The following SLC38A6 variants were observed in gnomAD, a reference collection of about 807,000 sequenced individuals.
SLC38A6 encodes the protein N system amino acid transporter NAT-1.
In SLC38A6, 73 loss-of-function variants were observed where a neutral mutation model predicts 65.0. The ratio of observed to expected loss-of-function variants is 1.12; its 90% confidence interval spans 0.93 to 1.37. The LOEUF (loss-of-function observed/expected upper bound fraction) is 1.37. SLC38A6 is among the 40% of genes most tolerant of loss of function. The pLI is 0.00. For missense variants in SLC38A6, 561 were observed against 531.1 expected, an observed-to-expected ratio of 1.06 and a Z score of -0.55; for synonymous variants, 183 against 178.8, an observed-to-expected ratio of 1.02 and a Z score of -0.19.
chr14:61,074,818 C>T (rs965826560), intron 15 of SLC38A6, among the ~76,000 whole-genome samples: 2 of 151,538 alleles, frequency 1.3e-5, no homozygotes, highest in African/African-American at 2.4e-5. Context: ...CAGAACTTCT[C>T]TTAGTAAGGG....
At chr14:61,048,178 G>A (rs1033938697) in intron 12 of SLC38A6, 3 of 452,440 alleles carry the variant, frequency 6.6e-6, no homozygotes, top group African/African-American at 6.0e-5. Flanking sequence ...GTCATAGGAA[G>A]AAATTGCTGG....
chr14:60,985,715 A>G (rs2037404128), intron 3 of SLC38A6, among the ~76,000 whole-genome samples: 1 of 152,198 alleles, frequency 6.6e-6, no homozygotes, highest in South Asian at 2.1e-4. Flanking sequence ...AGGCTGCATA[A>G]TTTATAAATA....
chr14:61,052,269 T>G, intron 15 of SLC38A6, 80 bp from the exon 16 acceptor site: 2 of 1,342,532 alleles, frequency 1.5e-6, no homozygotes, highest in South Asian at 1.4e-5. Context: ...GAGTAGAGAT[T>G]TAACAAATAA....
chr14:61,009,053 C>G (rs2039357226), intron 3 of SLC38A6, among the ~76,000 whole-genome samples: 1 of 152,152 alleles, frequency 6.6e-6, no homozygotes, highest in Non-Finnish European at 1.5e-5. Context: ...TCTATTCTTA[C>G]AGACCATAAG....
chr14:61,022,427 T>G (rs1413109084), intron 5 of SLC38A6, among the ~76,000 whole-genome samples: 3 of 151,198 alleles, frequency 2.0e-5, no homozygotes, highest in African/African-American at 7.3e-5. Flanking sequence ...CATACTTATT[T>G]GGGAGGATAT....
intron 4 of SLC38A6, among the ~76,000 whole-genome samples, chr14:61,019,002 T>C (rs2040187889): frequency 6.6e-6 from 1 of 152,212 alleles, no homozygotes; most frequent in African/African-American, 2.4e-5. Context: ...ATTCACATTA[T>C]TGAGTTTGGA....
At chr14:60,999,250 G>A (rs193057933) in intron 3 of SLC38A6, among the ~76,000 whole-genome samples, 2 of 152,256 alleles carry the variant, frequency 1.3e-5, no homozygotes, top group East Asian at 3.9e-4. Flanking sequence ...CCTTTCTAGT[G>A]CCCAGAACAT....
intron 5 of SLC38A6, among the ~76,000 whole-genome samples, chr14:61,027,322 C>T (rs1040125811): frequency 6.6e-6 from 1 of 152,108 alleles, no homozygotes; most frequent in Non-Finnish European, 1.5e-5. Flanking sequence ...TTTGGGGCCA[C>T]TTAACTATAT....
chr14:61,014,988 C>T (rs1233964451), intron 3 of SLC38A6, among the ~76,000 whole-genome samples: 1 of 152,200 alleles, frequency 6.6e-6, no homozygotes, highest in East Asian at 1.9e-4. Flanking sequence ...GAGGTGGAGT[C>T]TACAGAGGCA....
intron 15 of SLC38A6, among the ~76,000 whole-genome samples, chr14:61,069,191 T>C (rs895834084): frequency 1.3e-5 from 2 of 152,216 alleles, no homozygotes; most frequent in Non-Finnish European, 2.9e-5. Context: ...AACTACTGGA[T>C]TGCCATATCT....
chr14:61,019,295 T>G (rs1027730569), intron 4 of SLC38A6, among the ~76,000 whole-genome samples: 3 of 152,196 alleles, frequency 2.0e-5, no homozygotes, highest in African/African-American at 7.2e-5. Context: ...TTTAACAATT[T>G]AAAAGTGACT....
Position 61,008,347 on chromosome 14 carries a change from T to TA in SLC38A6, c.311-7551dup, listed in dbSNP as rs1316695766. 3.9e-5 allele frequency among the ~76,000 whole-genome samples: 6 copies of TA among 152,232 alleles called. No individual in the cohort carries two copies. The East Asian group carries it at 1.2e-3, about 29-fold the overall frequency. ...TGATAGGTAAAGACTGTATCTGGCT[T>TA]AAAAAATGCTTATTTTTACATACAT... is the stretch of plus-strand genomic sequence containing the variant. On this transcript the variant is annotated intron_variant, in intron 3 of 15. Transcript: ENST00000267488.
intron 6 of SLC38A6, among the ~76,000 whole-genome samples, chr14:61,034,478 C>T (rs2041216260): frequency 6.6e-6 from 1 of 152,102 alleles, no homozygotes. Context: ...GATGGAATCT[C>T]CTTTGGTACT....
At chr14:61,003,308 G>A (rs905514058) in intron 3 of SLC38A6, among the ~76,000 whole-genome samples, 2 of 151,686 alleles carry the variant, frequency 1.3e-5, no homozygotes, top group Admixed American at 1.3e-4. Context: ...AATAATATGG[G>A]CATTTAAATA....
chr14:61,021,129 C>A (rs116465090), intron 5 of SLC38A6, among the ~76,000 whole-genome samples: 82 of 152,130 alleles, frequency 5.4e-4, no homozygotes, highest in Middle Eastern at 3.4e-3. Flanking sequence ...TTGTTAAGTT[C>A]CTTTAGCTCA....
intron 15 of SLC38A6, among the ~76,000 whole-genome samples, chr14:61,065,804 T>C (rs1171187168): frequency 1.3e-5 from 2 of 152,330 alleles, no homozygotes; most frequent in East Asian, 3.9e-4. Context: ...AAACAGATTT[T>C]TCTCTTCTCT....
At position 61,019,599 on chromosome 14, in the gene SLC38A6, A is replaced by G; in HGVS notation, c.403+19A>G. 4.3e-6 allele frequency: 7 copies of G among 1,610,530 alleles called. No homozygotes were observed. Among genetic ancestry groups the G allele is most frequent in the Non-Finnish European group, 5.9e-6 (7 of 1,176,908 alleles). ...ATTGGAGGTAAGCAATTGCAAGTGC[A>G]CTGTTTATACATAAATGTGATGGCA... On this transcript the variant is annotated intron_variant, in intron 5 of 15. Coordinates refer to ENST00000267488, the MANE Select transcript of SLC38A6 (RefSeq NM_153811.3).
At position 61,079,256 on chromosome 14, in the gene SLC38A6, C is replaced by A. The variant is rs552136437; in HGVS notation, c.1408+329C>A. Among the ~76,000 whole-genome samples, 5 of 151,498 alleles carry A rather than the reference C, an allele frequency of 3.3e-5. No individual in the cohort carries two copies. The South Asian group carries it at 8.3e-4, about 25-fold the overall frequency. Reference sequence around the variant, plus strand: ...GGTTCAAGCGATTCTCCTGCCTCCACCTCCTGAGTAGCTGGGATTACAGGC... The same window carrying A: ...GGTTCAAGCGATTCTCCTGCCTCCAACTCCTGAGTAGCTGGGATTACAGGC... On this transcript the variant is annotated intron_variant, in intron 16 of 16. Transcript: ENST00000354886.
intron 16 of SLC38A6, among the ~76,000 whole-genome samples, chr14:61,080,335 T>C (rs1433518681): frequency 3.3e-4 from 51 of 152,286 alleles, no homozygotes; most frequent in Admixed American, 3.3e-3. Context: ...GAGGCTCAGC[T>C]GAGGGACTCT....
Sources: allele counts gnomAD v4.1 joint callset (sites outside exome capture counted in the v4.1 genomes callset), GRCh38; gene constraint gnomAD v4.1.1; transcripts MANE v1.5; gene names NCBI Gene and HGNC (gene_info 2026-07-23, HGNC 2026-07-21).